GPC6: variants seen among roughly 807,000 people sequenced by gnomAD.
The protein encoded by GPC6 is glypican-6.
In GPC6, 14 loss-of-function variants were observed where a neutral mutation model predicts 55.2. The observed-to-expected ratio is 0.25, with a 90% CI of 0.17 to 0.40. The LOEUF is 0.40. Ranked by LOEUF, GPC6 falls within the 10% of genes least tolerant of loss-of-function variation. The probability of loss-of-function intolerance (pLI) is 1.00; values close to 1 mark genes in which losing one functional copy is unlikely to be tolerated. For synonymous variants in GPC6, 278 were observed against 259.6 expected (o/e 1.07, Z -0.68); for missense variants, 641 against 708.5 (o/e 0.90, Z 1.08).
chr13:93,750,779 C>T (rs183108415), intron 2 of GPC6, among the ~76,000 whole-genome samples: 7 of 152,262 alleles, frequency 4.6e-5, no homozygotes, highest in Admixed American at 6.5e-5. Flanking sequence ...GTTGGATGGG[C>T]GTGAGGCCAG....
rs1566506640 is a variant in GPC6, at chr13:93,728,309, C to T, written c.320-101845C>T. ...ATGGCTCATTGCAGCCTCAATTTCC[C>T]GGGATCAAGTAATTCTCTGACCTGA... On this transcript the variant is annotated intron_variant, in intron 2 of 8. Transcript: ENST00000377047. Among the ~76,000 whole-genome samples the T allele has an allele frequency of 2.6e-5, 4 of 151,854 alleles. 1 individual carries two copies. The highest frequency in any genetic ancestry group is 4.2e-4 in the South Asian group (2 of 4,816).
At chr13:94,014,900 C>T (rs562874071) in intron 3 of GPC6, among the ~76,000 whole-genome samples, 24 of 152,280 alleles carry the variant, frequency 1.6e-4, no homozygotes, top group East Asian at 1.3e-3. Flanking sequence ...TAATATTTTG[C>T]TGTACAGATA....
intron 7 of GPC6, among the ~76,000 whole-genome samples, chr13:94,395,607 T>C (rs1256421222): frequency 6.6e-6 from 1 of 152,154 alleles, no homozygotes; most frequent in Non-Finnish European, 1.5e-5. Context: ...GTTCTTCTTT[T>C]GGAGGTTGAT....
At chr13:93,839,636 A>G (rs1887877031) in intron 3 of GPC6, among the ~76,000 whole-genome samples, 1 of 152,170 alleles carries the variant, frequency 6.6e-6, no homozygotes, top group African/African-American at 2.4e-5. Context: ...TGAGGAGGGT[A>G]GGCAAGGTAT....
chr13:94,108,216 G>T (rs1176371702), intron 4 of GPC6, among the ~76,000 whole-genome samples: 1 of 152,078 alleles, frequency 6.6e-6, no homozygotes, highest in Non-Finnish European at 1.5e-5. Flanking sequence ...CATAAAAAAG[G>T]AATGAATTAA....
chr13:93,938,560 C>T (rs781517036), intron 3 of GPC6, among the ~76,000 whole-genome samples: 3 of 152,014 alleles, frequency 2.0e-5, no homozygotes, highest in Admixed American at 6.6e-5. Flanking sequence ...CAAGATTTTT[C>T]GGACACAATA....
chr13:93,543,486 T>C (rs1409174831), intron 1 of GPC6, among the ~76,000 whole-genome samples: 2 of 152,124 alleles, frequency 1.3e-5, no homozygotes, highest in East Asian at 3.9e-4. Context: ...TAAAATTCTC[T>C]TTTTTGGTTG....
chr13:93,944,642 A>T (rs917584190), intron 3 of GPC6, among the ~76,000 whole-genome samples: 15 of 152,194 alleles, frequency 9.9e-5, no homozygotes, highest in Non-Finnish European at 1.8e-4. Flanking sequence ...ATCTATAAAA[A>T]GTTGGTATAA....
At chr13:93,300,782 G>A (rs1380838597) in intron 1 of GPC6, among the ~76,000 whole-genome samples, 2 of 152,154 alleles carry the variant, frequency 1.3e-5, no homozygotes, top group East Asian at 3.9e-4. Flanking sequence ...CACTTTGGGA[G>A]GCCAACGCAG....
chr13:93,965,186 C>T (rs1224258423), intron 3 of GPC6, among the ~76,000 whole-genome samples: 1 of 130,660 alleles, frequency 7.7e-6, no homozygotes, highest in Non-Finnish European at 1.5e-5. Context: ...CTGATGCGGG[C>T]AGATCACACG....
chr13:93,550,676 T>A (rs1875101593), intron 2 of GPC6, among the ~76,000 whole-genome samples: 1 of 152,150 alleles, frequency 6.6e-6, no homozygotes, highest in African/African-American at 2.4e-5. Flanking sequence ...ATGATTTTTT[T>A]AATATATGGC....
At chr13:94,390,976 C>T (rs1880618717) in intron 7 of GPC6, among the ~76,000 whole-genome samples, 1 of 152,124 alleles carries the variant, frequency 6.6e-6, no homozygotes, top group Admixed American at 6.5e-5. Flanking sequence ...AAAACTGGCT[C>T]GTGAGTCTTT....
the GPC6 span, among the ~76,000 whole-genome samples, chr13:93,221,193 C>T: frequency 1.3e-5 from 2 of 152,186 alleles, no homozygotes; most frequent in African/African-American, 2.4e-5. Context: ...TATCTTAATA[C>T]ATTTTCTATT....
intron 2 of GPC6, among the ~76,000 whole-genome samples, chr13:93,602,257 G>T (rs1229792318): frequency 3.3e-5 from 5 of 152,038 alleles, no homozygotes; most frequent in Non-Finnish European, 5.9e-5. Context: ...GTCCACCATG[G>T]CTCTGAAGAA....
At chr13:93,962,102 C>T (rs549941716) in intron 3 of GPC6, among the ~76,000 whole-genome samples, 37 of 152,244 alleles carry the variant, frequency 2.4e-4, no homozygotes, top group South Asian at 6.2e-4. Flanking sequence ...TAAGATCACA[C>T]GGCTGGTGAG....
intron 4 of GPC6, among the ~76,000 whole-genome samples, chr13:94,137,583 AC>A (rs1887227567): frequency 6.6e-6 from 1 of 152,182 alleles, no homozygotes; most frequent in African/African-American, 2.4e-5. Flanking sequence ...GTTGTTGTTA[AC>A]AATTATAAAC....
Position 93,612,769 on chromosome 13 carries a change from G to A in GPC6, c.319+67348G>A, listed in dbSNP as rs556521679. 8.5e-5 allele frequency among the ~76,000 whole-genome samples: 13 copies of A among 152,272 alleles called. No homozygotes were observed. The South Asian group carries it at 2.7e-3, about 32-fold the overall frequency. ...CTATTCATTTTTAAGATGATAATCA[G>A]GAGATTAAAGAATATTTTTCCATCA... On this transcript the variant is annotated intron_variant, in intron 2 of 8. Transcript: ENST00000377047.
intron 2 of GPC6, among the ~76,000 whole-genome samples, chr13:93,790,112 C>G (rs529608105): frequency 6.6e-6 from 1 of 152,190 alleles, no homozygotes; most frequent in East Asian, 1.9e-4. Flanking sequence ...GTGGCGTTAC[C>G]ATATTGAGTC....
At chr13:93,365,213 C>T (rs76561583) in intron 1 of GPC6, among the ~76,000 whole-genome samples, 8,270 of 152,112 alleles carry the variant, frequency 0.054, 289 homozygotes, top group Non-Finnish European at 0.072. Context: ...ACTTGTCTTC[C>T]ACTCTCCCTG....
Sources: gnomAD v4.1 joint callset for allele counts (sites outside exome capture counted in the v4.1 genomes callset) on GRCh38, gnomAD v4.1.1 for gene constraint, MANE v1.5 for transcripts, NCBI Gene and HGNC (gene_info 2026-07-23, HGNC 2026-07-21) for gene names.